Variants in IPO11 observed in about 807,000 individuals in gnomAD.
IPO11 encodes the protein importin-11.
A neutral mutation model predicts 143.2 loss-of-function variants in IPO11; 66 were observed. The ratio of observed to expected loss-of-function variants is 0.46; its 90% CI spans 0.38 to 0.57. The LOEUF is 0.57. Among genes scored for constraint, IPO11 ranks in the 20% least tolerant of loss-of-function variants. IPO11 has a pLI of 0.00. For missense variants in IPO11, 1,026 were observed against 1,141.0 expected (o/e 0.90, Z 1.45); for synonymous variants, 385 against 377.8 (o/e 1.02, Z -0.22).
chr5:62,482,353 T>G (rs1376726748), intron 9 of IPO11, among the ~76,000 whole-genome samples: 3 of 152,214 alleles, frequency 2.0e-5, no homozygotes, highest in African/African-American at 7.2e-5. Context: ...TGCTCTTCCT[T>G]CTCTAGTTCT....
chr5:62,419,173 G>A (rs1194602377), intron 1 of IPO11: 1 of 1,534,316 alleles, frequency 6.5e-7, no homozygotes, highest in Non-Finnish European at 8.8e-7. Context: ...GAAAGGTACT[G>A]TAAAAATACA....
At chr5:62,456,972 C>T (rs1386860671) in intron 5 of IPO11, among the ~76,000 whole-genome samples, 3 of 151,914 alleles carry the variant, frequency 2.0e-5, no homozygotes, top group Admixed American at 6.6e-5. Context: ...CCCACCTACT[C>T]GGGAGCCTGA....
chr5:62,435,080 A>G (rs1269745569), intron 1 of IPO11, among the ~76,000 whole-genome samples: 1 of 106,342 alleles, frequency 9.4e-6, no homozygotes, highest in Non-Finnish European at 1.9e-5. Flanking sequence ...ATGTATATAT[A>G]TGTGTATATA....
intron 29 of IPO11, among the ~76,000 whole-genome samples, chr5:62,619,301 C>T (rs1293149847): frequency 1.3e-5 from 2 of 152,106 alleles, no homozygotes; most frequent in African/African-American, 4.8e-5. Flanking sequence ...TCTTTTGTTC[C>T]TCCATCCCTC....
chr5:62,467,176 C>T lies in IPO11; in HGVS notation c.562C>T (p.His188Tyr). 6.2e-7 allele frequency: 1 copy of T among 1,613,676 alleles called. No individual in the cohort carries two copies. The highest frequency in any genetic ancestry group is 1.1e-5 in the South Asian group (1 of 90,968). The part of the protein sequence containing the change: ...YNFACSLWNH[H>Y]TDTFLQEVSS... Reference sequence around the variant, plus strand: ...TTTTGCCTGCTCTCTGTGGAATCACCACACAGACACATTCCTGCAAGAAGT... The same window carrying T: ...TTTTGCCTGCTCTCTGTGGAATCACTACACAGACACATTCCTGCAAGAAGT... The change falls in exon 6 of 30, where the codon CAC (histidine) becomes TAC (tyrosine). Residue 188 changes from histidine (H) to tyrosine (Y), a missense_variant. By Grantham distance (83) the His-to-Tyr change is moderately conservative. Coordinates refer to ENST00000325324, the MANE Select transcript of IPO11 (RefSeq NM_016338.5).
chr5:62,473,541 T>C (rs1745855536), intron 7 of IPO11, among the ~76,000 whole-genome samples: 1 of 152,138 alleles, frequency 6.6e-6, no homozygotes, highest in Admixed American at 6.5e-5. Context: ...AACTCAAGAA[T>C]TGATCAATGA....
intron 1 of IPO11, among the ~76,000 whole-genome samples, chr5:62,435,147 T>TAC (rs1744155147): frequency 1.0e-5 from 1 of 98,626 alleles, no homozygotes; most frequent in Non-Finnish European, 2.0e-5. Context: ...TATATATGTA[T>TAC]ATATGTATAT....
intron 20 of IPO11, among the ~76,000 whole-genome samples, chr5:62,516,585 T>G (rs532157361): frequency 6.6e-6 from 1 of 152,230 alleles, no homozygotes; most frequent in East Asian, 1.9e-4. Flanking sequence ...TGAGCCACCA[T>G]GCCCAGCCCC....
chr5:62,569,946 T>C (rs534361937), intron 27 of IPO11, among the ~76,000 whole-genome samples: 1 of 152,344 alleles, frequency 6.6e-6, no homozygotes, highest in East Asian at 1.9e-4. Flanking sequence ...AAAAAACCCT[T>C]TGATGCAGCT....
chr5:62,608,364 G>A (rs1745806012), intron 29 of IPO11, among the ~76,000 whole-genome samples: 2 of 152,066 alleles, frequency 1.3e-5, no homozygotes, highest in Non-Finnish European at 2.9e-5. Context: ...TGGGGGCCTG[G>A]GAATCAGGCA....
At chr5:62,557,974 G>A (rs1208889301) in intron 26 of IPO11, among the ~76,000 whole-genome samples, 3 of 152,092 alleles carry the variant, frequency 2.0e-5, no homozygotes, top group Non-Finnish European at 4.4e-5. Context: ...TGTTGAGCTA[G>A]AATTATAGTA....
intron 27 of IPO11, among the ~76,000 whole-genome samples, chr5:62,582,908 T>G (rs557410887): frequency 9.9e-5 from 15 of 152,178 alleles, no homozygotes; most frequent in Non-Finnish European, 2.2e-4. Flanking sequence ...CTTAATATAT[T>G]TGAGAGAAAA....
chr5:62,519,048 C>T lies in IPO11; in HGVS notation c.1896+3547C>T, dbSNP rs751600751. Among the ~76,000 whole-genome samples the T allele has an allele frequency of 4.6e-5, 7 of 151,922 alleles. No individual in the cohort carries two copies. In the East Asian group the frequency reaches 5.8e-4, roughly 13 times the overall value. ...TCCCTGTGTCACATGGAGGGTGAGGCGGGGCACATTAGGGAAGGCCTCCTG... is the reference window on the plus strand; with the variant it reads ...TCCCTGTGTCACATGGAGGGTGAGGTGGGGCACATTAGGGAAGGCCTCCTG... On this transcript the variant is annotated intron_variant, in intron 20 of 29. Coordinates refer to ENST00000325324, the MANE Select transcript of IPO11 (RefSeq NM_016338.5).
rs1365799089 is a variant in IPO11 at position 62,494,090 on chromosome 5, C to T, written c.1556C>T (p.Ala519Val). 2.5e-6 allele frequency: 4 copies of T among 1,611,956 alleles called. No homozygotes were observed. In the South Asian group the frequency reaches 3.3e-5, roughly 13 times the overall value. The change falls in exon 16 of 30, where the codon GCA becomes GTA. Residue 519 changes from alanine (A) to valine (V), a missense_variant. Physicochemically the swap from Ala to Val is moderately conservative, Grantham distance 64. Coordinates refer to ENST00000325324, the MANE Select transcript of IPO11 (RefSeq NM_016338.5). ...KSDLRPMLYEAICNLLQDQDL... is the reference protein window; with the variant it reads ...KSDLRPMLYEVICNLLQDQDL... The stretch of plus-strand genomic sequence containing the variant: ...GACTTAAGACCCATGCTTTATGAAG[C>T]AATCTGTAACTTGCTTCAAGATCAA...
At chr5:62,470,581 G>T (rs1355911049) in intron 7 of IPO11, among the ~76,000 whole-genome samples, 2 of 152,038 alleles carry the variant, frequency 1.3e-5, no homozygotes, top group African/African-American at 4.8e-5. Flanking sequence ...ATGAACTCCT[G>T]TGAATTTGAA....
intron 19 of IPO11, among the ~76,000 whole-genome samples, chr5:62,509,783 T>C (rs1580262983): frequency 6.6e-6 from 1 of 152,240 alleles, no homozygotes; most frequent in African/African-American, 2.4e-5. Flanking sequence ...ATGTTCTTTA[T>C]CCATTCATCT....
intron 13 of IPO11, 147 bp downstream of exon 13, chr5:62,488,008 C>T: frequency 1.6e-6 from 1 of 642,986 alleles, no homozygotes; most frequent in Non-Finnish European, 2.4e-6. Flanking sequence ...AACTTATTAT[C>T]TTCCAAGGGG....
chr5:62,537,355 T>G (rs1742769505), intron 24 of IPO11, 66 bp downstream of exon 24: 1 of 1,051,448 alleles, frequency 9.5e-7, no homozygotes, highest in Non-Finnish European at 1.5e-6. Flanking sequence ...AAATTGGACT[T>G]TCATTTGGAT....
At chr5:62,582,426 A>G (rs1744602781) in intron 27 of IPO11, among the ~76,000 whole-genome samples, 1 of 152,214 alleles carries the variant, frequency 6.6e-6, no homozygotes, top group African/African-American at 2.4e-5. Context: ...AAGCTAGGGA[A>G]AGAAAAGGGG....
Sources: gnomAD v4.1 joint callset for allele counts (sites outside exome capture counted in the v4.1 genomes callset) on GRCh38, gnomAD v4.1.1 for gene constraint, MANE v1.5 for transcripts, NCBI Gene and HGNC (gene_info 2026-07-23, HGNC 2026-07-21) for gene names.